The following FAM47E variants were observed in gnomAD, a reference collection of about 807,000 sequenced individuals.
The protein encoded by FAM47E is family with sequence similarity 47 member E, also known as protein FAM47E.
In FAM47E, 32 loss-of-function variants were observed where a neutral mutation model predicts 41.6. The observed-to-expected ratio is 0.77, with a 90% confidence interval of 0.58 to 1.03. The LOEUF is 1.03. Ranked by LOEUF, FAM47E falls within the 50% of genes least tolerant of loss-of-function variation. The pLI, the probability that FAM47E is intolerant of heterozygous loss-of-function variation, is 0.00. For synonymous variants in FAM47E, 184 were observed against 188.7 expected, an observed-to-expected ratio of 0.98 and a Z score of 0.20; for missense variants, 424 against 485.4, an observed-to-expected ratio of 0.87 and a Z score of 1.19.
intron 1 of FAM47E, among the ~76,000 whole-genome samples, chr4:76,252,649 G>T (rs1022487736): frequency 6.6e-6 from 1 of 152,288 alleles, no homozygotes; most frequent in South Asian, 2.1e-4. Context: ...AACGTATCGT[G>T]TACATGTTAG....
chr4:76,260,563 T>A (rs571422576), intron 2 of FAM47E, among the ~76,000 whole-genome samples: 1 of 115,812 alleles, frequency 8.6e-6, no homozygotes, highest in South Asian at 4.1e-4. Context: ...AAAAATTAAC[T>A]CAAGGTGGAC....
At chr4:76,233,227 G>C (rs1414697596) in intron 2 of FAM47E, among the ~76,000 whole-genome samples, 1 of 152,106 alleles carries the variant, frequency 6.6e-6, no homozygotes, top group Non-Finnish European at 1.5e-5. Context: ...TGTGCTAACT[G>C]CAGCCAAGTT....
chr4:76,280,528 C>G, intron 7 of FAM47E, 187 bp downstream of exon 7: 1 of 487,170 alleles, frequency 2.1e-6, no homozygotes, highest in Non-Finnish European at 3.6e-6. Context: ...TGGCATTTTG[C>G]CCTTTTTATT....
At chr4:76,264,060 T>A (rs1734529885) in intron 3 of FAM47E, among the ~76,000 whole-genome samples, 1 of 152,220 alleles carries the variant, frequency 6.6e-6, no homozygotes. Flanking sequence ...CACAGGCGTC[T>A]ATAAGGAAAT....
intron 1 of FAM47E, among the ~76,000 whole-genome samples, chr4:76,214,789 G>C (rs1225318630): frequency 6.6e-6 from 1 of 152,204 alleles, no homozygotes; most frequent in Admixed American, 6.5e-5. Flanking sequence ...CCTATGAATA[G>C]GAGGTTGTGT....
At chr4:76,275,884 C>T (rs1240969516) in intron 5 of FAM47E, among the ~76,000 whole-genome samples, 1 of 152,142 alleles carries the variant, frequency 6.6e-6, no homozygotes, top group African/African-American at 2.4e-5. Flanking sequence ...AATTTGCCCC[C>T]CTTCCTCCAC....
intron 3 of FAM47E, chr4:76,268,364 G>T (rs1049021582): frequency 1.5e-4 from 37 of 252,146 alleles, no homozygotes; most frequent in Non-Finnish European, 2.5e-4. Flanking sequence ...ACAGTAATTT[G>T]GGCTTTTACC....
upstream of FAM47E, among the ~76,000 whole-genome samples, chr4:76,248,565 C>A (rs1560738138): frequency 6.6e-6 from 1 of 152,126 alleles, no homozygotes; most frequent in Non-Finnish European, 1.5e-5. Context: ...CATTCAACAA[C>A]TATTGATTTG....
At position 76,251,795 on chromosome 4, in the gene FAM47E, C is replaced by T; in HGVS notation, c.49C>T (p.Arg17Cys). The T allele has an allele frequency of 2.7e-6, 4 of 1,488,622 alleles. No individual in the cohort carries two copies. The highest frequency in any genetic ancestry group is 2.1e-4 in the Middle Eastern group (1 of 4,802). The allele number at this position is 1,488,622 out of a possible 1,614,324, so 92.2% of individuals were successfully genotyped here. A position where few individuals can be genotyped will look rare whatever the true frequency, so the allele number is the denominator to read the frequency against. ...CCGGCCGGGGACGTTGGCCCCGGTG[C>T]GCGAGGGCGTGAACTGCAGGTCCAG... Reference protein sequence around the residue: ...RLRPGTLAPVREGVNCRSRCF... With the variant: ...RLRPGTLAPVCEGVNCRSRCF... The change falls in exon 1 of 8, where the codon CGC becomes TGC. Residue 17 changes from arginine (R) to cysteine (C), a missense_variant. Transcript: ENST00000424749.
rs1734198242 is a variant in FAM47E at position 76,256,492 on chromosome 4, A to G, written c.389A>G (p.Tyr130Cys). The G allele has an allele frequency of 3.2e-6, 5 of 1,550,738 alleles. No homozygotes were observed. Among genetic ancestry groups the G allele is most frequent in the Admixed American group, 2.0e-5 (1 of 50,972 alleles). ...AHLTPHPLAL[Y>C]LNLEEAMPIE... ...CTGACCCCACATCCCTTAGCGCTCT[A>G]CCTGAATCTGGAAGAAGCTATGCCC... is the stretch of plus-strand genomic sequence containing the variant. The change falls in exon 2 of 8, where the codon TAC becomes TGC. Residue 130 changes from tyrosine to cysteine, a missense_variant. Physicochemically the swap from Tyr to Cys is radical, Grantham distance 194. Coordinates refer to ENST00000424749, the MANE Select transcript of FAM47E (RefSeq NM_001136570.3).
chr4:76,242,076 C>T (rs891215003), intron 2 of FAM47E, among the ~76,000 whole-genome samples: 2 of 152,156 alleles, frequency 1.3e-5, no homozygotes, highest in African/African-American at 2.4e-5. Context: ...GTGTTGCCAA[C>T]AGATCTTTTC....
At chr4:76,244,729 G>A (rs1487352377) in intron 2 of FAM47E, among the ~76,000 whole-genome samples, 3 of 151,648 alleles carry the variant, frequency 2.0e-5, no homozygotes, top group Non-Finnish European at 2.9e-5. Flanking sequence ...TAGTAGAGAC[G>A]GGGTTTCACC....
In FAM47E at chr4:76,283,632, G is replaced by C; in HGVS notation, c.*174G>C. On this transcript the variant is annotated 3_prime_UTR_variant, in exon 8 of 8. Transcript: ENST00000424749. The stretch of plus-strand genomic sequence containing the variant: ...TGATGGTTATAAGCATTTCTCAATG[G>C]ATTTCTGCTTCAGTTAATCAACATT... 1 of 519,140 alleles carries C rather than the reference G, an allele frequency of 1.9e-6. No individual in the cohort carries two copies. The highest frequency in any genetic ancestry group is 2.8e-5 in the South Asian group (1 of 35,714). The allele number at this position is 519,140 out of a possible 1,614,324, so 32.2% of individuals were successfully genotyped here. A position where few individuals can be genotyped will look rare whatever the true frequency, so the allele number is the denominator to read the frequency against.
At chr4:76,221,793 AC>A (rs1468868931) in intron 2 of FAM47E, among the ~76,000 whole-genome samples, 3 of 152,232 alleles carry the variant, frequency 2.0e-5, no homozygotes, top group Non-Finnish European at 2.9e-5. Flanking sequence ...TTGAAAACCT[AC>A]CTATTGGGTA....
intron 5 of FAM47E, among the ~76,000 whole-genome samples, chr4:76,275,434 T>G (rs1220937470): frequency 1.3e-5 from 2 of 152,218 alleles, no homozygotes; most frequent in Non-Finnish European, 2.9e-5. Flanking sequence ...GCCGTCTATA[T>G]TAATTCATCA....
At chr4:76,232,536 T>A (rs1733511462) in intron 2 of FAM47E, among the ~76,000 whole-genome samples, 1 of 152,218 alleles carries the variant, frequency 6.6e-6, no homozygotes, top group Non-Finnish European at 1.5e-5. Flanking sequence ...TACAATAAGT[T>A]AACATAACAA....
At chr4:76,241,085 GT>G (rs1445593949) in intron 2 of FAM47E, among the ~76,000 whole-genome samples, 1 of 151,960 alleles carries the variant, frequency 6.6e-6, no homozygotes, top group African/African-American at 2.4e-5. Flanking sequence ...CTAGCTTTTT[GT>G]TTTTTATTGT....
At chr4:76,259,130 A>G (rs1032221577) in intron 2 of FAM47E, among the ~76,000 whole-genome samples, 1 of 152,154 alleles carries the variant, frequency 6.6e-6, no homozygotes, top group Non-Finnish European at 1.5e-5. Flanking sequence ...AATACAAGAG[A>G]TCTCCTCTGC....
chr4:76,258,588 A>T (rs1208170263), intron 2 of FAM47E, among the ~76,000 whole-genome samples: 4 of 152,236 alleles, frequency 2.6e-5, no homozygotes, highest in African/African-American at 9.6e-5. Context: ...GTAGAACTTT[A>T]GTAAAAGACT....
Sources: gnomAD v4.1 joint callset for allele counts (sites outside exome capture counted in the v4.1 genomes callset) on GRCh38, gnomAD v4.1.1 for gene constraint, MANE v1.5 for transcripts, NCBI Gene and HGNC (gene_info 2026-07-23, HGNC 2026-07-21) for gene names.